The following EGLN1 variants were observed in gnomAD, a reference collection of about 807,000 sequenced individuals.
The protein encoded by EGLN1 is egl-9 family hypoxia inducible factor 1.
In EGLN1, 17 loss-of-function variants were observed where a neutral mutation model predicts 38.3. The observed-to-expected ratio is 0.44, with a 90% CI of 0.30 to 0.67. EGLN1 has a LOEUF of 0.67. Among genes scored for constraint, EGLN1 ranks in the 30% least tolerant of loss-of-function variants. EGLN1 has a pLI of 0.08. For missense variants in EGLN1, 477 were observed against 603.3 expected (o/e 0.79, Z 2.19); for synonymous variants, 283 against 257.5 (o/e 1.10, Z -0.95).
At position 231,378,099 on chromosome 1, in the gene EGLN1, C is replaced by T. The variant is rs1262468163; in HGVS notation, c.892-4000G>A. ...GTGCTCTGCTCTGGTGACAGGAATACTGAAAAATGAGGAGAAAGGAAGAAG... is the reference window on the plus strand; with the variant it reads ...GTGCTCTGCTCTGGTGACAGGAATATTGAAAAATGAGGAGAAAGGAAGAAG... On this transcript the variant is annotated intron_variant, in intron 1 of 4. Coordinates refer to ENST00000366641, the MANE Select transcript of EGLN1 (RefSeq NM_022051.3). Among the ~76,000 whole-genome samples the T allele has an allele frequency of 3.9e-5, 6 of 152,132 alleles. 1 individual carries two copies. The highest frequency in any genetic ancestry group is 4.2e-4 in the South Asian group (2 of 4,810).
intron 1 of EGLN1, among the ~76,000 whole-genome samples, chr1:231,381,786 A>G (rs1420041644): frequency 6.6e-6 from 1 of 152,220 alleles, no homozygotes; most frequent in Admixed American, 6.5e-5. Flanking sequence ...TGTTAACCTC[A>G]GCTATAATCT....
At chr1:231,400,385 T>C (rs1163944564) in intron 1 of EGLN1, among the ~76,000 whole-genome samples, 2 of 152,146 alleles carry the variant, frequency 1.3e-5, no homozygotes, top group Non-Finnish European at 2.9e-5. Flanking sequence ...AGAAGATCTG[T>C]AGTGGGGCCC....
At chr1:231,389,181 T>C (rs1298477791) in intron 1 of EGLN1, among the ~76,000 whole-genome samples, 2 of 152,312 alleles carry the variant, frequency 1.3e-5, no homozygotes, top group Non-Finnish European at 2.9e-5. Context: ...AAATCAACCA[T>C]ACTATACAGA....
At chr1:231,408,611 T>C (rs1401340849) in intron 1 of EGLN1, among the ~76,000 whole-genome samples, 1 of 152,004 alleles carries the variant, frequency 6.6e-6, no homozygotes, top group Non-Finnish European at 1.5e-5. Flanking sequence ...AGCGGTGCAG[T>C]GGGAATTCAA....
chr1:231,388,323 A>G (rs1488671293), intron 1 of EGLN1, among the ~76,000 whole-genome samples: 1 of 152,188 alleles, frequency 6.6e-6, no homozygotes, highest in Non-Finnish European at 1.5e-5. Context: ...AATCTTGAAA[A>G]ATATTCTCAC....
intron 1 of EGLN1, among the ~76,000 whole-genome samples, chr1:231,408,900 G>A (rs1191128027): frequency 6.6e-6 from 1 of 152,156 alleles, no homozygotes; most frequent in East Asian, 1.9e-4. Context: ...GAAAATGAAG[G>A]TAGGTTCAGG....
intron 1 of EGLN1, among the ~76,000 whole-genome samples, chr1:231,407,077 A>T (rs552435105): frequency 2.0e-5 from 3 of 152,178 alleles, no homozygotes. Flanking sequence ...CATTTTAAGC[A>T]TCAAAACTAA....
chr1:231,422,214 G>A lies in EGLN1; in HGVS notation c.-326C>T. 5.2e-6 allele frequency: 1 copy of A among 190,580 alleles called. No individual in the cohort carries two copies. Among genetic ancestry groups the A allele is most frequent in the Non-Finnish European group, 1.1e-5 (1 of 94,492 alleles). The allele number at this position is 190,580 out of a possible 1,614,324, so 11.8% of individuals were successfully genotyped here. A position where few individuals can be genotyped will look rare whatever the true frequency, so the allele number is the denominator to read the frequency against. On this transcript the variant is annotated 5_prime_UTR_variant, in exon 1 of 5. Coordinates refer to ENST00000366641, the MANE Select transcript of EGLN1 (RefSeq NM_022051.3). The stretch of plus-strand genomic sequence containing the variant: ...AAGACCGGCCCCCTCGGCCGCCGCC[G>A]CCGCCTCAGCGTCCCGGGCGGCCCG...
At chr1:231,392,795 G>A (rs1558387973) in intron 1 of EGLN1, among the ~76,000 whole-genome samples, 1 of 152,192 alleles carries the variant, frequency 6.6e-6, no homozygotes, top group Non-Finnish European at 1.5e-5. Flanking sequence ...AGTCACAGGT[G>A]AGATTTTTCA....
intron 1 of EGLN1, among the ~76,000 whole-genome samples, chr1:231,407,900 A>C (rs541804925): frequency 1.3e-5 from 2 of 152,246 alleles, no homozygotes; most frequent in East Asian, 3.9e-4. Flanking sequence ...TAAAACTCTC[A>C]CACACTTTTT....
intron 1 of EGLN1, among the ~76,000 whole-genome samples, chr1:231,399,679 A>G (rs965677780): frequency 1.3e-5 from 2 of 152,210 alleles, no homozygotes; most frequent in African/African-American, 4.8e-5. Flanking sequence ...TAATCATGAC[A>G]TAAGTACTAT....
chr1:231,376,886 G>A (rs554828698), intron 1 of EGLN1, among the ~76,000 whole-genome samples: 1 of 152,268 alleles, frequency 6.6e-6, no homozygotes, highest in East Asian at 1.9e-4. Flanking sequence ...GCTGAACAAG[G>A]CAGGAAAGAG....
At chr1:231,412,474 C>T (rs189377529) in intron 1 of EGLN1, among the ~76,000 whole-genome samples, 31 of 152,298 alleles carry the variant, frequency 2.0e-4, no homozygotes, top group East Asian at 1.7e-3. Flanking sequence ...GTTCAAACTT[C>T]GTATATTTCT....
intron 1 of EGLN1, among the ~76,000 whole-genome samples, chr1:231,399,528 G>A (rs1339895597): frequency 6.6e-6 from 1 of 152,154 alleles, no homozygotes; most frequent in East Asian, 1.9e-4. Flanking sequence ...ATCACAGAAA[G>A]CCATGGCAGT....
chr1:231,409,283 G>A (rs970129018), intron 1 of EGLN1, among the ~76,000 whole-genome samples: 1 of 148,060 alleles, frequency 6.8e-6, no homozygotes. Context: ...CTGGCCTGCA[G>A]ACCAAGTTAG....
chr1:231,414,619 A>G (rs1270093230), intron 1 of EGLN1, among the ~76,000 whole-genome samples: 1 of 152,180 alleles, frequency 6.6e-6, no homozygotes, highest in Admixed American at 6.5e-5. Flanking sequence ...AATGTCAGAT[A>G]AGCCAACATG....
chr1:231,420,924 G>A lies in EGLN1; in HGVS notation c.891+74C>T, dbSNP rs568544923. 8 of 1,612,712 alleles carry A rather than the reference G, an allele frequency of 5.0e-6. No individual in the cohort carries two copies. In the East Asian group the frequency reaches 1.8e-4, roughly 36 times the overall value. On this transcript the variant is annotated intron_variant, in intron 1 of 4. Transcript: ENST00000366641. ...TAGAGGAATGCTGCTTCTCAGCCTA[G>A]GCAGTTTCAGTCGCAGGCAGGGGCT...
At chr1:231,417,683 C>G (rs1689120766) in intron 1 of EGLN1, among the ~76,000 whole-genome samples, 1 of 152,164 alleles carries the variant, frequency 6.6e-6, no homozygotes, top group Non-Finnish European at 1.5e-5. Context: ...GTATCAGTGG[C>G]TACAATTACA....
At chr1:231,417,487 T>C (rs1689114694) in intron 1 of EGLN1, among the ~76,000 whole-genome samples, 1 of 152,174 alleles carries the variant, frequency 6.6e-6, no homozygotes, top group Admixed American at 6.5e-5. Flanking sequence ...CTTCCTCCTG[T>C]ACCCCCAAGT....
Sources: allele counts gnomAD v4.1 joint callset (sites outside exome capture counted in the v4.1 genomes callset), GRCh38; gene constraint gnomAD v4.1.1; transcripts MANE v1.5; gene names NCBI Gene and HGNC (gene_info 2026-07-23, HGNC 2026-07-21).